The following NFILZ variants were observed in gnomAD, a reference collection of about 807,000 sequenced individuals.
NFILZ encodes NFIL3 like basic leucine zipper, also known as NFIL3 like protein.
At chr19:8,660,019 C>T (rs2043022454) in intron 3 of NFILZ, among the ~76,000 whole-genome samples, 1 of 152,144 alleles carries the variant, frequency 6.6e-6, no homozygotes, top group Non-Finnish European at 1.5e-5. Flanking sequence ...CAGTCCTGAG[C>T]TACAACACCG....
chr19:8,636,834 C>T (rs1264441939), intron 3 of NFILZ, among the ~76,000 whole-genome samples: 6 of 151,870 alleles, frequency 4.0e-5, no homozygotes, highest in Non-Finnish European at 8.8e-5. Flanking sequence ...ACAAGTGATC[C>T]GCCCACCTTG....
intron 3 of NFILZ, among the ~76,000 whole-genome samples, chr19:8,658,001 C>T (rs868993697): frequency 2.6e-4 from 40 of 151,986 alleles, no homozygotes; most frequent in African/African-American, 8.0e-4. Flanking sequence ...CTCTCCCTGG[C>T]GAGGGGGGAA....
chr19:8,664,129 C>T (rs1555749510), intron 3 of NFILZ, among the ~76,000 whole-genome samples: 1 of 152,140 alleles, frequency 6.6e-6, no homozygotes, highest in Non-Finnish European at 1.5e-5. Context: ...CATCAGACCC[C>T]GTGAGCCCTG....
intron 3 of NFILZ, among the ~76,000 whole-genome samples, chr19:8,650,899 T>C (rs1392585191): frequency 6.6e-6 from 1 of 152,190 alleles, no homozygotes; most frequent in Non-Finnish European, 1.5e-5. Flanking sequence ...GTGTTCTCCA[T>C]GGAAATTAAT....
chr19:8,672,627 CA>C (rs35702923), intron 3 of NFILZ, among the ~76,000 whole-genome samples: 84,362 of 151,482 alleles, frequency 0.56, 24,505 homozygotes, highest in East Asian at 0.85. Context: ...TTAGTTTATT[CA>C]AAAAAAATCC....
At chr19:8,665,392 G>A (rs2043057415) in intron 3 of NFILZ, among the ~76,000 whole-genome samples, 1 of 152,118 alleles carries the variant, frequency 6.6e-6, no homozygotes. Context: ...AGGGCTAAGG[G>A]GGTACTAAGG....
chr19:8,649,414 T>C (rs548520218), intron 3 of NFILZ, among the ~76,000 whole-genome samples: 1 of 152,112 alleles, frequency 6.6e-6, no homozygotes, highest in Non-Finnish European at 1.5e-5. Flanking sequence ...TACAGGTGCA[T>C]GCCATCACGC....
chr19:8,647,279 G>A lies in NFILZ; in HGVS notation c.-164+11533G>A, dbSNP rs560254880. On this transcript the variant is annotated intron_variant, in intron 3 of 5. Transcript: ENST00000691075. The stretch of plus-strand genomic sequence containing the variant: ...GTGGAATACTATGGAGCCATACAAA[G>A]GAATGAGATCGGCCAGGCGCGGTGG... Among the ~76,000 whole-genome samples the A allele has an allele frequency of 1.1e-4, 16 of 152,268 alleles. No homozygotes were observed. In the South Asian group the frequency reaches 3.3e-3, roughly 32 times the overall value.
intron 1 of NFILZ, among the ~76,000 whole-genome samples, 197 bp downstream of exon 1, chr19:8,630,941 C>A (rs1312047729): frequency 1.3e-5 from 2 of 152,116 alleles, no homozygotes; most frequent in East Asian, 3.9e-4. Flanking sequence ...TTAATTGGGG[C>A]CTTGGATGCC....
At chr19:8,639,379 C>T (rs1226577304) in intron 3 of NFILZ, among the ~76,000 whole-genome samples, 4 of 152,002 alleles carry the variant, frequency 2.6e-5, no homozygotes, top group African/African-American at 9.7e-5. Flanking sequence ...AAGTTTGCGA[C>T]CAGCCTGGGC....
chr19:8,649,606 C>T (rs1276358105), intron 3 of NFILZ, among the ~76,000 whole-genome samples: 1 of 152,020 alleles, frequency 6.6e-6, no homozygotes, highest in East Asian at 1.9e-4. Context: ...CCATGAGCGC[C>T]TGTCTTGCCG....
chr19:8,636,189 C>T (rs2042893617), intron 3 of NFILZ, among the ~76,000 whole-genome samples: 1 of 151,270 alleles, frequency 6.6e-6, no homozygotes, highest in African/African-American at 2.4e-5. Context: ...GTGGCTCATG[C>T]CTGTAATCTC....
chr19:8,631,480 T>A (rs1600135707), intron 1 of NFILZ, among the ~76,000 whole-genome samples: 1 of 151,702 alleles, frequency 6.6e-6, no homozygotes, highest in Non-Finnish European at 1.5e-5. Context: ...CTCTGGGGGG[T>A]CTGGAGGCAG....
intron 3 of NFILZ, among the ~76,000 whole-genome samples, chr19:8,657,105 G>A (rs565986573): frequency 7.2e-5 from 11 of 151,992 alleles, no homozygotes; most frequent in South Asian, 2.1e-4. Context: ...GGAGGGGGGC[G>A]GTTTTCGCTC....
At chr19:8,664,361 C>T (rs955696125) in intron 3 of NFILZ, among the ~76,000 whole-genome samples, 1 of 152,158 alleles carries the variant, frequency 6.6e-6, no homozygotes, top group African/African-American at 2.4e-5. Flanking sequence ...CCCCTGCCCA[C>T]CCCCCACTTC....
At chr19:8,631,700 T>C (rs1555745541) in intron 1 of NFILZ, among the ~76,000 whole-genome samples, 2 of 152,184 alleles carry the variant, frequency 1.3e-5, no homozygotes. Context: ...TCCAGCCCCT[T>C]TGTGCGGCGG....
intron 3 of NFILZ, among the ~76,000 whole-genome samples, chr19:8,653,038 TTCTCTCTCTC>T (rs1163296485): frequency 1.7e-3 from 158 of 90,490 alleles, no homozygotes; most frequent in East Asian, 5.2e-3. Flanking sequence ...CTTTCTTTCT[TTCTCTCTCTC>T]TCTCTCTCTC....
chr19:8,656,339 T>TCCC (rs2042996384), intron 3 of NFILZ, among the ~76,000 whole-genome samples: 24 of 30,798 alleles, frequency 7.8e-4, no homozygotes, highest in African/African-American at 2.1e-3. Flanking sequence ...CCCTTCTTCC[T>TCCC]GAAGCCCACC....
intron 3 of NFILZ, among the ~76,000 whole-genome samples, chr19:8,647,748 A>AACACACACACACACACACACAC (rs138740763): frequency 1.5e-5 from 2 of 137,152 alleles, no homozygotes; most frequent in African/African-American, 5.4e-5. Flanking sequence ...GGAGGGGAAC[A>AACACACACACACACACACACAC]ACACACACAC....
Sources: gnomAD v4.1 joint callset for allele counts (sites outside exome capture counted in the v4.1 genomes callset) on GRCh38, gnomAD v4.1.1 for gene constraint, MANE v1.5 for transcripts, NCBI Gene and HGNC (gene_info 2026-07-23, HGNC 2026-07-21) for gene names.